The following AP3S1 variants were observed in gnomAD, a reference collection of about 807,000 sequenced individuals.
AP3S1 encodes the protein AP-3 complex subunit sigma-1.
A neutral mutation model predicts 21.3 loss-of-function variants in AP3S1; 12 were observed. The ratio of observed to expected loss-of-function variants is 0.56; its 90% CI spans 0.36 to 0.91. The LOEUF is 0.91. Ranked by LOEUF, AP3S1 falls within the 40% of genes least tolerant of loss-of-function variation. The pLI is 0.01. For missense variants in AP3S1, 116 were observed against 225.0 expected, an observed-to-expected ratio of 0.52 and a Z score of 3.10; for synonymous variants, 48 against 78.4, an observed-to-expected ratio of 0.61 and a Z score of 2.05.
At chr5:115,876,775 A>C (rs1377684369) in intron 3 of AP3S1, among the ~76,000 whole-genome samples, 1 of 151,964 alleles carries the variant, frequency 6.6e-6, no homozygotes, top group Non-Finnish European at 1.5e-5. Flanking sequence ...GATATTCCCC[A>C]ATTTGGGTTT....
chr5:115,908,239 G>A (rs3756555), intron 5 of AP3S1, among the ~76,000 whole-genome samples: 60,037 of 151,854 alleles, frequency 0.4, 12,147 homozygotes, highest in Admixed American at 0.48. Context: ...CCATTGGTCA[G>A]AATTATTGCC....
At chr5:115,903,482 A>C (rs1195809644) in intron 5 of AP3S1, 1 of 152,876 alleles carries the variant, frequency 6.5e-6, no homozygotes, top group East Asian at 1.9e-4. Flanking sequence ...GTTCACATTC[A>C]AAAAAGAAAT....
intron 1 of AP3S1, among the ~76,000 whole-genome samples, chr5:115,865,644 A>C (rs754440162): frequency 2.0e-4 from 31 of 152,162 alleles, no homozygotes; most frequent in Non-Finnish European, 8.8e-5. Flanking sequence ...GATATGGTAC[A>C]TGTGGAGCTA....
chr5:115,900,465 G>A (rs1751115387), intron 4 of AP3S1, among the ~76,000 whole-genome samples: 1 of 152,198 alleles, frequency 6.6e-6, no homozygotes, highest in East Asian at 1.9e-4. Context: ...GGTCCAGCTA[G>A]ATGTTCTAAA....
intron 5 of AP3S1, among the ~76,000 whole-genome samples, chr5:115,906,157 C>G (rs572442751): frequency 1.3e-5 from 2 of 152,024 alleles, no homozygotes; most frequent in South Asian, 2.1e-4. Context: ...GACTCCGTCT[C>G]AAAAACAAAC....
intron 3 of AP3S1, among the ~76,000 whole-genome samples, chr5:115,879,741 C>T (rs531198941): frequency 4.6e-5 from 7 of 152,120 alleles, no homozygotes; most frequent in African/African-American, 1.7e-4. Flanking sequence ...GGAGGAGACT[C>T]TCTTTTTCCA....
At chr5:115,851,624 A>G (rs1762444379) in intron 1 of AP3S1, among the ~76,000 whole-genome samples, 1 of 152,058 alleles carries the variant, frequency 6.6e-6, no homozygotes, top group Admixed American at 6.6e-5. Flanking sequence ...CTTTGGAAAA[A>G]TATCTATTTG....
rs541294092 is a variant in AP3S1, at chr5:115,886,888, T to A, written c.274-8199T>A. 2.2e-4 allele frequency among the ~76,000 whole-genome samples: 33 copies of A among 152,346 alleles called. No individual in the cohort carries two copies. In the South Asian group the frequency reaches 6.6e-3, roughly 31 times the overall value. ...CTATATTGACGTTGAGTTCATTATG[T>A]GTTAAGTGCATGGTACATAGTAAAT... On this transcript the variant is annotated intron_variant, in intron 3 of 5. Transcript: ENST00000316788.
At chr5:115,886,415 C>A (rs184581222) in intron 3 of AP3S1, among the ~76,000 whole-genome samples, 1 of 151,980 alleles carries the variant, frequency 6.6e-6, no homozygotes. Flanking sequence ...CTTCCTTAGT[C>A]TACTCAATGT....
intron 3 of AP3S1, among the ~76,000 whole-genome samples, chr5:115,879,443 C>A (rs754372631): frequency 6.6e-6 from 1 of 152,132 alleles, no homozygotes; most frequent in Non-Finnish European, 1.5e-5. Context: ...TTTTCTGCAT[C>A]TATTGAAATA....
chr5:115,883,349 A>G (rs1749477524), intron 3 of AP3S1, among the ~76,000 whole-genome samples: 1 of 152,196 alleles, frequency 6.6e-6, no homozygotes, highest in Non-Finnish European at 1.5e-5. Flanking sequence ...ACCCGAGGGA[A>G]TCTCCTGGTC....
intron 3 of AP3S1, among the ~76,000 whole-genome samples, chr5:115,892,386 T>C (rs1750384308): frequency 6.6e-6 from 1 of 152,172 alleles, no homozygotes; most frequent in African/African-American, 2.4e-5. Flanking sequence ...GTTTAGAATA[T>C]CCAAGATTTG....
chr5:115,856,990 G>A (rs914222049), intron 1 of AP3S1, among the ~76,000 whole-genome samples: 1 of 151,994 alleles, frequency 6.6e-6, no homozygotes, highest in Admixed American at 6.6e-5. Flanking sequence ...ACCACCAGCC[G>A]CTGGTAACCA....
Position 115,906,578 on chromosome 5 carries a change from G to C in AP3S1, c.453+3586G>C, listed in dbSNP as rs3733901. Among the ~76,000 whole-genome samples the C allele has an allele frequency of 2.3e-4, 35 of 152,106 alleles. No homozygotes were observed. The East Asian group carries it at 6.4e-3, about 28-fold the overall frequency. On this transcript the variant is annotated intron_variant, in intron 5 of 5. Coordinates refer to ENST00000316788, the MANE Select transcript of AP3S1 (RefSeq NM_001284.4). ...ATTGGGAGAGGAGGGTTTAAGCTGG[G>C]AGGTTGATGGGATTCGGGGGAAGTA...
At chr5:115,873,548 G>A in intron 3 of AP3S1, among the ~76,000 whole-genome samples, 1 of 152,134 alleles carries the variant, frequency 6.6e-6, no homozygotes, top group East Asian at 1.9e-4. Flanking sequence ...CATGTTGGAA[G>A]TTCTGTGGTT....
chr5:115,874,580 T>C (rs907843771), intron 3 of AP3S1, among the ~76,000 whole-genome samples: 2 of 152,088 alleles, frequency 1.3e-5, no homozygotes, highest in Non-Finnish European at 1.5e-5. Flanking sequence ...AGCTAAACTT[T>C]CTTTAGGTTT....
At chr5:115,901,893 G>C (rs1751245881) in intron 4 of AP3S1, among the ~76,000 whole-genome samples, 1 of 151,820 alleles carries the variant, frequency 6.6e-6, no homozygotes, top group Admixed American at 6.6e-5. Context: ...TTTAAATTGA[G>C]TAATACATAT....
At chr5:115,879,106 A>G (rs1007342424) in intron 3 of AP3S1, among the ~76,000 whole-genome samples, 8 of 152,178 alleles carry the variant, frequency 5.3e-5, no homozygotes, top group Admixed American at 1.3e-4. Flanking sequence ...GGCTGAGACT[A>G]TGGAGTTTTC....
intron 1 of AP3S1, 131 bp downstream of exon 1, chr5:115,842,237 C>G (rs1761637703): frequency 7.5e-7 from 1 of 1,339,884 alleles, no homozygotes; most frequent in African/African-American, 1.6e-5. Flanking sequence ...GCCTGGCGCT[C>G]GCCAGCTGTC....
Sources: allele counts gnomAD v4.1 joint callset (sites outside exome capture counted in the v4.1 genomes callset), GRCh38; gene constraint gnomAD v4.1.1; transcripts MANE v1.5; gene names NCBI Gene and HGNC (gene_info 2026-07-23, HGNC 2026-07-21).